The following ZNF805 variants were observed in gnomAD, a reference collection of about 807,000 sequenced individuals.
The protein encoded by ZNF805 is CTC-444N24.8.
In ZNF805, 7 loss-of-function variants were observed where a neutral mutation model predicts 13.6. That is an observed-to-expected ratio of 0.51 (90% CI 0.29 to 0.97). ZNF805 has a LOEUF of 0.97. ZNF805 is among the 50% of genes least tolerant of loss of function. ZNF805 has a pLI of 0.08. For synonymous variants in ZNF805, 293 were observed against 279.8 expected (o/e 1.05, Z -0.47); for missense variants, 604 against 771.0 (o/e 0.78, Z 2.57).
Position 57,249,142 on chromosome 19 carries a change from T to TGAA in ZNF805, c.253+442_253+443insGAA, listed in dbSNP as rs776848271. 7.4e-4 allele frequency among the ~76,000 whole-genome samples: 113 copies of TGAA among 152,348 alleles called. 1 individual carries two copies. The highest frequency in any genetic ancestry group is 1.4e-3 in the South Asian group (7 of 4,828). On this transcript the variant is annotated intron_variant, in intron 3 of 3. Coordinates refer to ENST00000414468, the MANE Select transcript of ZNF805 (RefSeq NM_001023563.4). ...CACAGTTATTCAGGACCTAGAGTCC[T>TGAA]TCTGTCATCAACCTGTTGCTTTAAG...
chr19:57,245,635 C>T lies in ZNF805; in HGVS notation c.157+1586C>T, dbSNP rs150317383. Reference sequence around the variant, plus strand: ...TCTACTAAAAATACAAAAAATTAGCCGGGCGTGGTGGCGGGTGCCTGTAGT... The same window carrying T: ...TCTACTAAAAATACAAAAAATTAGCTGGGCGTGGTGGCGGGTGCCTGTAGT... On this transcript the variant is annotated intron_variant, in intron 2 of 3. Coordinates refer to ENST00000414468, the MANE Select transcript of ZNF805 (RefSeq NM_001023563.4). Among the ~76,000 whole-genome samples, 591 of 149,372 alleles carry T rather than the reference C, an allele frequency of 4.0e-3. 9 individuals carry two copies. The East Asian group carries it at 0.064, about 16-fold the overall frequency.
At chr19:57,244,535 C>T (rs1246962296) in intron 2 of ZNF805, among the ~76,000 whole-genome samples, 1 of 152,092 alleles carries the variant, frequency 6.6e-6, no homozygotes, top group African/African-American at 2.4e-5. Context: ...CCTATACAGT[C>T]TCCATGCATC....
At chr19:57,250,105 A>G (rs937617494) in intron 3 of ZNF805, among the ~76,000 whole-genome samples, 8 of 152,242 alleles carry the variant, frequency 5.3e-5, no homozygotes, top group Non-Finnish European at 8.8e-5. Context: ...ACTGGCCCCA[A>G]CCTCAGACAA....
At position 57,257,409 on chromosome 19, in the gene ZNF805, T is replaced by A. The variant is rs2087693858; in HGVS notation, c.*2706T>A. On this transcript the variant is annotated 3_prime_UTR_variant, in exon 4 of 4. Coordinates refer to ENST00000414468, the MANE Select transcript of ZNF805 (RefSeq NM_001023563.4). ...TTCCTCCTTTAAGTTCTATCAGTTT[T>A]TGCTCCACATAATTTAAAGCTCTGT... Among the ~76,000 whole-genome samples the A allele has an allele frequency of 6.6e-6, 1 of 152,214 alleles. No individual in the cohort carries two copies. The highest frequency in any genetic ancestry group is 2.4e-5 in the African/African-American group (1 of 41,462).
At chr19:57,245,734 G>C (rs1205702942) in intron 2 of ZNF805, among the ~76,000 whole-genome samples, 2 of 151,082 alleles carry the variant, frequency 1.3e-5, no homozygotes, top group South Asian at 2.1e-4. Context: ...AGCTGAGATT[G>C]CACCACTGCA....
intron 2 of ZNF805, 29 bp downstream of exon 2, chr19:57,244,078 G>A: frequency 1.2e-6 from 2 of 1,605,116 alleles, no homozygotes; most frequent in Non-Finnish European, 1.7e-6. Context: ...ACCATGCAGG[G>A]GATCTGCCAC....
intron 3 of ZNF805, among the ~76,000 whole-genome samples, chr19:57,249,132 C>T (rs2122836104): frequency 6.6e-6 from 1 of 152,272 alleles, no homozygotes; most frequent in East Asian, 1.9e-4. Flanking sequence ...TTATTCAGGA[C>T]CTAGAGTCCT....
At position 57,260,607 on chromosome 19, in the gene ZNF805, G is replaced by C. The variant is rs2087718514; in HGVS notation, c.*5904G>C. 6.6e-6 allele frequency among the ~76,000 whole-genome samples: 1 copy of C among 152,126 alleles called. No individual in the cohort carries two copies. Among genetic ancestry groups the C allele is most frequent in the South Asian group, 2.1e-4 (1 of 4,836 alleles). On this transcript the variant is annotated 3_prime_UTR_variant, in exon 4 of 4. Coordinates refer to ENST00000414468, the MANE Select transcript of ZNF805 (RefSeq NM_001023563.4). ...GTGTCTTTCTTCCATCTGTAAAACA[G>C]CTTTACTTCCCAGCATCCATCATGA...
At chr19:57,252,846 C>A (rs1398427907) in intron 3 of ZNF805, among the ~76,000 whole-genome samples, 2 of 152,218 alleles carry the variant, frequency 1.3e-5, no homozygotes, top group Non-Finnish European at 2.9e-5. Flanking sequence ...TATCTCCACT[C>A]TAGGCCCTGT....
In ZNF805 at chr19:57,261,197, C is replaced by T. The variant is rs2087721698; in HGVS notation, c.*6494C>T. Among the ~76,000 whole-genome samples, 1 of 152,140 alleles carries T rather than the reference C, an allele frequency of 6.6e-6. No homozygotes were observed. Among genetic ancestry groups the T allele is most frequent in the African/African-American group, 2.4e-5 (1 of 41,428 alleles). On this transcript the variant is annotated 3_prime_UTR_variant, in exon 4 of 4. Coordinates refer to ENST00000414468, the MANE Select transcript of ZNF805 (RefSeq NM_001023563.4). The stretch of plus-strand genomic sequence containing the variant: ...GCTCATTTATTTATAATCTACTATT[C>T]TTATTTGACAGTACATCTTGGCCAT...
Position 57,257,698 on chromosome 19 carries a change from C to CTTT in ZNF805, c.*3018_*3020dup, listed in dbSNP as rs869290620. The stretch of plus-strand genomic sequence containing the variant: ...GTGGTTTTATATCCAGTTTGCGTAT[C>CTTT]TTTTTTTTTTTTTTTTTTTTTTTTT... On this transcript the variant is annotated 3_prime_UTR_variant, in exon 4 of 4. Coordinates refer to ENST00000414468, the MANE Select transcript of ZNF805 (RefSeq NM_001023563.4). 3.9e-3 allele frequency among the ~76,000 whole-genome samples: 136 copies of CTTT among 35,074 alleles called. 4 individuals carry two copies. The highest frequency in any genetic ancestry group is 0.012 in the African/African-American group (96 of 7,932). 23.0% of individuals were successfully genotyped at this position (35,074 alleles called of 152,430 possible). A position where few individuals can be genotyped will look rare whatever the true frequency, so the allele number is the denominator to read the frequency against.
chr19:57,247,167 G>A (rs977519235), intron 2 of ZNF805, among the ~76,000 whole-genome samples: 3 of 152,026 alleles, frequency 2.0e-5, no homozygotes, highest in Admixed American at 6.6e-5. Flanking sequence ...GAGCCACTGC[G>A]CTGCTATATG....
chr19:57,254,466 T>C lies in ZNF805; in HGVS notation c.1647T>C (p.Ser549=), dbSNP rs777615387. Residue 549 remains serine, a synonymous_variant, in exon 4 of 4, where the codon AGT becomes AGC. Coordinates refer to ENST00000414468, the MANE Select transcript of ZNF805 (RefSeq NM_001023563.4). ...YECSECGKAF[S]RSSSLTQHQR... is the part of the protein sequence containing the mutation. ...GCAGTGAATGTGGAAAGGCCTTCAG[T>C]CGCAGCTCGTCCCTCACTCAGCATC... The C allele has an allele frequency of 6.2e-7, 1 of 1,614,218 alleles. No homozygotes were observed. The highest frequency in any genetic ancestry group is 8.5e-7 in the Non-Finnish European group (1 of 1,180,024).
chr19:57,249,430 AT>A (rs1000196582), intron 3 of ZNF805, among the ~76,000 whole-genome samples: 1 of 152,208 alleles, frequency 6.6e-6, no homozygotes, highest in Non-Finnish European at 1.5e-5. Context: ...AAAGAAAAAC[AT>A]TATTTTTATG....
At position 57,257,943 on chromosome 19, in the gene ZNF805, G is replaced by C. The variant is rs986097871; in HGVS notation, c.*3240G>C. 1.5e-4 allele frequency among the ~76,000 whole-genome samples: 22 copies of C among 150,810 alleles called. No homozygotes were observed. Among genetic ancestry groups the C allele is most frequent in the African/African-American group, 5.4e-4 (22 of 40,966 alleles). On this transcript the variant is annotated 3_prime_UTR_variant, in exon 4 of 4. Coordinates refer to ENST00000414468, the MANE Select transcript of ZNF805 (RefSeq NM_001023563.4). Reference sequence around the variant, plus strand: ...GGCTGGTCTCGAACTCCTGACCTCAGGTGATCCACCTGCCTCAGCCTCCCA... The same window carrying C: ...GGCTGGTCTCGAACTCCTGACCTCACGTGATCCACCTGCCTCAGCCTCCCA...
chr19:57,246,837 G>A (rs1305435724), intron 2 of ZNF805, among the ~76,000 whole-genome samples: 2 of 151,936 alleles, frequency 1.3e-5, no homozygotes, highest in African/African-American at 2.4e-5. Context: ...CTGATTGGGT[G>A]TCTCAGGCCT....
intron 2 of ZNF805, among the ~76,000 whole-genome samples, chr19:57,244,983 C>T (rs7260263): frequency 0.18 from 27,573 of 151,774 alleles, 2,589 homozygotes; most frequent in African/African-American, 0.22. Context: ...CGGGATCTGC[C>T]TGGGTGGGCC....
rs1215919429 is a variant in ZNF805, at chr19:57,259,069, C to T, written c.*4366C>T. Among the ~76,000 whole-genome samples the T allele has an allele frequency of 6.6e-6, 1 of 152,154 alleles. No individual in the cohort carries two copies. The highest frequency in any genetic ancestry group is 1.5e-5 in the Non-Finnish European group (1 of 68,036). On this transcript the variant is annotated 3_prime_UTR_variant, in exon 4 of 4. Transcript: ENST00000414468. ...GTTCATAATGTGCCATTTTTATCAACCTGCGTTCAAAGTGTTTTGTTTTTT... is the reference window on the plus strand; with the variant it reads ...GTTCATAATGTGCCATTTTTATCAATCTGCGTTCAAAGTGTTTTGTTTTTT...
At position 57,245,583 on chromosome 19, in the gene ZNF805, T is replaced by G. The variant is rs113787215; in HGVS notation, c.157+1534T>G. 7.0e-4 allele frequency among the ~76,000 whole-genome samples: 105 copies of G among 149,134 alleles called. 1 individual carries two copies. Among genetic ancestry groups the G allele is most frequent in the South Asian group, 4.3e-3 (20 of 4,642 alleles). On this transcript the variant is annotated intron_variant, in intron 2 of 3. Transcript: ENST00000414468. ...TCACAAGGTCAGGAGATAGAGACCA[T>G]CCTGGCTAACACGGTGCAACCCTGT...
Sources: gnomAD v4.1 joint callset for allele counts (sites outside exome capture counted in the v4.1 genomes callset) on GRCh38, gnomAD v4.1.1 for gene constraint, MANE v1.5 for transcripts, NCBI Gene and HGNC (gene_info 2026-07-23, HGNC 2026-07-21) for gene names.